The following SHISA6 variants were observed in gnomAD, a reference collection of about 807,000 sequenced individuals.
SHISA6 encodes protein shisa-6.
In SHISA6, 22 loss-of-function variants were observed where a neutral mutation model predicts 47.9. The ratio of observed to expected loss-of-function variants is 0.46; its 90% CI spans 0.33 to 0.66. The LOEUF (loss-of-function observed/expected upper bound fraction) is 0.66. Among genes scored for constraint, SHISA6 ranks in the 30% least tolerant of loss-of-function variants. SHISA6 has a pLI of 0.02. For missense variants in SHISA6, 680 were observed against 764.6 expected, an observed-to-expected ratio of 0.89 and a Z score of 1.30; for synonymous variants, 388 against 337.8, an observed-to-expected ratio of 1.15 and a Z score of -1.63.
At chr17:11,323,278 C>T (rs1910769168) in intron 2 of SHISA6, among the ~76,000 whole-genome samples, 1 of 152,158 alleles carries the variant, frequency 6.6e-6, no homozygotes, top group Non-Finnish European at 1.5e-5. Flanking sequence ...ATCCAACTTC[C>T]TTTATGATAC....
intron 3 of SHISA6, among the ~76,000 whole-genome samples, chr17:11,400,788 G>C (rs988157073): frequency 6.6e-6 from 1 of 152,148 alleles, no homozygotes; most frequent in Non-Finnish European, 1.5e-5. Flanking sequence ...ATCTTTCACA[G>C]AATGCACAAT....
intron 3 of SHISA6, among the ~76,000 whole-genome samples, chr17:11,428,975 G>A (rs1309527500): frequency 1.4e-5 from 2 of 144,040 alleles, no homozygotes; most frequent in South Asian, 2.1e-4. Flanking sequence ...TAGTAGAAAC[G>A]GTGTTTCACC....
At chr17:11,291,612 C>T (rs148709315) in intron 2 of SHISA6, among the ~76,000 whole-genome samples, 224 of 152,134 alleles carry the variant, frequency 1.5e-3, no homozygotes, top group African/African-American at 5.0e-3. Flanking sequence ...CCGGCCTGGG[C>T]GACAGAGCGA....
intron 2 of SHISA6, among the ~76,000 whole-genome samples, chr17:11,324,965 A>G (rs1910829047): frequency 6.6e-6 from 1 of 152,028 alleles, no homozygotes; most frequent in African/African-American, 2.4e-5. Flanking sequence ...TCTGCCCCAG[A>G]TCTTCCTTTT....
chr17:11,407,321 G>A (rs1913993871), intron 3 of SHISA6, among the ~76,000 whole-genome samples: 1 of 151,998 alleles, frequency 6.6e-6, no homozygotes, highest in South Asian at 2.1e-4. Flanking sequence ...CCAGGTCTGT[G>A]TTCCCCATCG....
At chr17:11,397,955 T>C (rs1913631006) in intron 3 of SHISA6, among the ~76,000 whole-genome samples, 1 of 152,146 alleles carries the variant, frequency 6.6e-6, no homozygotes, top group African/African-American at 2.4e-5. Flanking sequence ...TTTCTCAAGT[T>C]CAATTAATTC....
chr17:11,494,394 C>T (rs2071391221), intron 3 of SHISA6, among the ~76,000 whole-genome samples: 1 of 152,168 alleles, frequency 6.6e-6, no homozygotes, highest in Non-Finnish European at 1.5e-5. Flanking sequence ...TTGTTTGTTA[C>T]TTATCACCTA....
At position 11,241,388 on chromosome 17, in the gene SHISA6, G is replaced by A; in HGVS notation, c.-35G>A. The A allele has an allele frequency of 2.8e-6, 3 of 1,065,252 alleles. No individual in the cohort carries two copies. The highest frequency in any genetic ancestry group is 3.4e-6 in the Non-Finnish European group (3 of 883,738). The allele number at this position is 1,065,252 out of a possible 1,614,324, so 66.0% of individuals were successfully genotyped here. A position where few individuals can be genotyped will look rare whatever the true frequency, so the allele number is the denominator to read the frequency against. ...GCCCGCCGGGGGAGCGGCCTGCCGC[G>A]GAAGCCTCCCCGCGCCCTCCCGCCC... is the stretch of plus-strand genomic sequence containing the variant. On this transcript the variant is annotated 5_prime_UTR_variant, in exon 1 of 6. Coordinates refer to ENST00000441885, the MANE Select transcript of SHISA6 (RefSeq NM_207386.4). This position sits in a 1 kb window ranked among gnomAD's most constrained non-coding sequence, Gnocchi z 5.5.
intron 3 of SHISA6, among the ~76,000 whole-genome samples, chr17:11,429,815 C>A (rs1340235819): frequency 2.9e-5 from 3 of 102,822 alleles, no homozygotes; most frequent in African/African-American, 1.3e-4. Flanking sequence ...TAAATAAATC[C>A]AATCAATCAA....
chr17:11,241,654 G>T lies in SHISA6; in HGVS notation c.232G>T (p.Ala78Ser), dbSNP rs1333017229. 24 of 1,436,928 alleles carry T rather than the reference G, an allele frequency of 1.7e-5. No individual in the cohort carries two copies. In the East Asian group the frequency reaches 5.2e-4, roughly 31 times the overall value. The allele number at this position is 1,436,928 out of a possible 1,614,324, so 89.0% of individuals were successfully genotyped here. A position where few individuals can be genotyped will look rare whatever the true frequency, so the allele number is the denominator to read the frequency against. Residue 78 changes from alanine to serine, a missense_variant, in exon 1 of 6, where the codon GCG becomes TCG. By Grantham distance (99) the Ala-to-Ser change is moderately conservative. Transcript: ENST00000441885. This position sits in a 1 kb window ranked among gnomAD's most constrained non-coding sequence, Gnocchi z 5.5. ...PEAGSRRGQP[A>S]AAVAAAASAA... The stretch of plus-strand genomic sequence containing the variant: ...GGCGGGAAGCCGGCGGGGGCAGCCC[G>T]CGGCGGCTGTGGCGGCGGCGGCCAG...
At chr17:11,406,824 T>C (rs920269288) in intron 3 of SHISA6, among the ~76,000 whole-genome samples, 3 of 152,180 alleles carry the variant, frequency 2.0e-5, no homozygotes, top group Non-Finnish European at 2.9e-5. Context: ...GCATATTTGC[T>C]CAAACTAGTC....
At chr17:11,372,450 A>G (rs1912657569) in intron 2 of SHISA6, among the ~76,000 whole-genome samples, 1 of 151,954 alleles carries the variant, frequency 6.6e-6, no homozygotes, top group South Asian at 2.1e-4. Context: ...GGTATCTTAT[A>G]TTTTGCTTTG....
intron 2 of SHISA6, among the ~76,000 whole-genome samples, chr17:11,355,639 C>G (rs12325823): frequency 6.6e-6 from 1 of 152,266 alleles, no homozygotes; most frequent in Non-Finnish European, 1.5e-5. Context: ...ACACACTGAT[C>G]TCTGCTTTTC....
chr17:11,270,836 C>T (rs1908615371), intron 2 of SHISA6, among the ~76,000 whole-genome samples: 1 of 152,174 alleles, frequency 6.6e-6, no homozygotes. Context: ...CTCTGGGATC[C>T]CATAGGGGAA....
intron 3 of SHISA6, among the ~76,000 whole-genome samples, chr17:11,502,865 C>G (rs1236747819): frequency 2.0e-5 from 3 of 152,198 alleles, no homozygotes; most frequent in Non-Finnish European, 4.4e-5. Flanking sequence ...CTGCCATGAA[C>G]AGAACAGTAG....
At chr17:11,411,853 A>G (rs999499115) in intron 3 of SHISA6, among the ~76,000 whole-genome samples, 3 of 152,154 alleles carry the variant, frequency 2.0e-5, no homozygotes, top group African/African-American at 7.2e-5. Context: ...AGTTTTATTG[A>G]CCACGCACGT....
intron 2 of SHISA6, among the ~76,000 whole-genome samples, chr17:11,299,874 G>A (rs772784697): frequency 9.2e-5 from 14 of 152,224 alleles, no homozygotes; most frequent in East Asian, 1.9e-4. Flanking sequence ...GGTCAGGTGC[G>A]GTGGCTCACG....
At chr17:11,556,928 C>T (rs11867883) in intron 5 of SHISA6, among the ~76,000 whole-genome samples, 16,804 of 152,098 alleles carry the variant, frequency 0.11, 1,229 homozygotes, top group African/African-American at 0.2. Context: ...TCCAAGTAGG[C>T]TTGTAGCATG....
At chr17:11,471,124 G>A (rs1298867387) in intron 3 of SHISA6, among the ~76,000 whole-genome samples, 2 of 150,502 alleles carry the variant, frequency 1.3e-5, no homozygotes, top group African/African-American at 4.9e-5. Context: ...CAGGAGAATC[G>A]CTTGAACCCG....
Sources: gnomAD v4.1 joint callset for allele counts (sites outside exome capture counted in the v4.1 genomes callset) on GRCh38, gnomAD v4.1.1 for gene constraint, Gnocchi (gnomAD v3.1) non-coding constraint, MANE v1.5 for transcripts, NCBI Gene and HGNC (gene_info 2026-07-23, HGNC 2026-07-21) for gene names.